CEP43: variants seen among roughly 807,000 people sequenced by gnomAD.
CEP43 encodes FGFR1 oncogene partner.
CEP43 carries 36 observed loss-of-function variants against 52.6 expected under a neutral mutation model. That is an observed-to-expected ratio of 0.68 (90% CI 0.52 to 0.90). The LOEUF is 0.90. Ranked by LOEUF, CEP43 falls within the 40% of genes least tolerant of loss-of-function variation. CEP43 has a pLI of 0.00. For synonymous variants in CEP43, 192 were observed against 172.4 expected, an observed-to-expected ratio of 1.11 and a Z score of -0.89; for missense variants, 506 against 472.8, an observed-to-expected ratio of 1.07 and a Z score of -0.65.
intron 6 of CEP43, among the ~76,000 whole-genome samples, chr6:167,012,984 C>T (rs561110250): frequency 6.6e-6 from 1 of 152,298 alleles, no homozygotes; most frequent in Non-Finnish European, 1.5e-5. Context: ...TGCAATTTCT[C>T]TAGTACTAAA....
intron 5 of CEP43, among the ~76,000 whole-genome samples, chr6:167,007,726 T>C (rs576613334): frequency 9.8e-5 from 15 of 152,356 alleles, no homozygotes; most frequent in Admixed American, 6.5e-4. Flanking sequence ...CTGATGCTTT[T>C]TACCAAAACT....
rs1161651220 is a variant in CEP43 at position 167,048,797 on chromosome 6, C to T, written c.*8819C>T. 1 of 152,114 alleles carries T rather than the reference C, an allele frequency of 6.6e-6. No homozygotes were observed. Among genetic ancestry groups the T allele is most frequent in the Non-Finnish European group, 1.5e-5 (1 of 68,024 alleles). 9.4% of individuals were successfully genotyped at this position (152,114 alleles called of 1,614,324 possible). On this transcript the variant is annotated 3_prime_UTR_variant, in exon 13 of 13. Transcript: ENST00000366847. ...TAATGAAAAATTGGTTAATGAATGT[C>T]ATTGAAAGAGCATGTACATCACTAA...
At position 167,048,336 on chromosome 6, in the gene CEP43, CT is replaced by C. The variant is rs151073754; in HGVS notation, c.*8359del. 2,777 of 152,348 alleles carry C rather than the reference CT, an allele frequency of 0.018. 46 individuals carry two copies. Among genetic ancestry groups the C allele is most frequent in the East Asian group, 0.088 (457 of 5,184 alleles). The allele number at this position is 152,348 out of a possible 1,614,324, so 9.4% of individuals were successfully genotyped here. On this transcript the variant is annotated 3_prime_UTR_variant, in exon 13 of 13. Transcript: ENST00000366847. The stretch of plus-strand genomic sequence containing the variant: ...TTGAGCTCAGGAGTTTGAGACCATT[CT>C]GGGCAATACGGTGAAACCCTGTCTC...
In CEP43 at chr6:167,047,822, T is replaced by A. The variant is rs952108269; in HGVS notation, c.*7844T>A. 5.9e-5 allele frequency: 9 copies of A among 152,108 alleles called. No homozygotes were observed. The highest frequency in any genetic ancestry group is 2.2e-4 in the African/African-American group (9 of 41,416). 9.4% of individuals were successfully genotyped at this position (152,108 alleles called of 1,614,324 possible). ...CACAGAATCAGAAACCATGGATTTC[T>A]GGTCTTGACTCCACTACCACTCAGA... On this transcript the variant is annotated 3_prime_UTR_variant, in exon 13 of 13. Transcript: ENST00000366847.
intron 12 of CEP43, among the ~76,000 whole-genome samples, chr6:167,035,735 T>C (rs1780570767): frequency 6.6e-6 from 1 of 151,980 alleles, no homozygotes. Context: ...CCCAGCTGAT[T>C]TTTTGTATTT....
At chr6:167,011,365 G>T (rs1232771834) in intron 6 of CEP43, among the ~76,000 whole-genome samples, 1 of 152,104 alleles carries the variant, frequency 6.6e-6, no homozygotes, top group South Asian at 2.1e-4. Context: ...CTAAGAAAAT[G>T]TATGTACTTT....
At chr6:167,031,721 C>T (rs1351986606) in intron 10 of CEP43, among the ~76,000 whole-genome samples, 1 of 152,146 alleles carries the variant, frequency 6.6e-6, no homozygotes, top group Admixed American at 6.5e-5. Flanking sequence ...CTTTCATAGG[C>T]CATCCATTCA....
chr6:167,016,731 G>C (rs2128661936), intron 7 of CEP43, among the ~76,000 whole-genome samples: 1 of 152,262 alleles, frequency 6.6e-6, no homozygotes, highest in South Asian at 2.1e-4. Context: ...TGGATACATG[G>C]ATGCATGAAT....
At position 167,041,152 on chromosome 6, in the gene CEP43, T is replaced by C; in HGVS notation, c.*1174T>C. 2.9e-6 allele frequency: 3 copies of C among 1,044,770 alleles called. No homozygotes were observed. Among genetic ancestry groups the C allele is most frequent in the Non-Finnish European group, 3.5e-6 (3 of 866,438 alleles). 64.7% of individuals were successfully genotyped at this position (1,044,770 alleles called of 1,614,324 possible). On this transcript the variant is annotated 3_prime_UTR_variant, in exon 13 of 13. Coordinates refer to ENST00000366847, the MANE Select transcript of CEP43 (RefSeq NM_007045.4). ...AACTTTATTAGTAAAAGGAGCAAATTAGACCTAATTCATTGATCTCGGTTA... is the reference window on the plus strand; with the variant it reads ...AACTTTATTAGTAAAAGGAGCAAATCAGACCTAATTCATTGATCTCGGTTA...
rs1282963816 is a variant in CEP43, at chr6:167,004,253, T to A, written c.301-11T>A. On this transcript the variant is annotated splice_polypyrimidine_tract_variant and intron_variant, in intron 4 of 12. Coordinates refer to ENST00000366847, the MANE Select transcript of CEP43 (RefSeq NM_007045.4). ...TTTTTTTGTGCACTTGTATTTTAAC[T>A]TCTTTTCTAGCTGCAAGGTCTCGAA... 5 of 1,589,636 alleles carry A rather than the reference T, an allele frequency of 3.1e-6. No individual in the cohort carries two copies. The South Asian group carries it at 5.8e-5, about 18-fold the overall frequency.
At chr6:167,021,951 A>G (rs1232784954) in intron 7 of CEP43, among the ~76,000 whole-genome samples, 1 of 152,184 alleles carries the variant, frequency 6.6e-6, no homozygotes, top group African/African-American at 2.4e-5. Context: ...ATATGAAATA[A>G]TCTTTCTTTT....
At chr6:167,031,892 C>G (rs1183708857) in intron 10 of CEP43, among the ~76,000 whole-genome samples, 1 of 152,048 alleles carries the variant, frequency 6.6e-6, no homozygotes, top group Non-Finnish European at 1.5e-5. Context: ...CTGTCAGAGG[C>G]TTGTGGTGCA....
At chr6:167,001,955 A>G (rs760776088) in intron 2 of CEP43, among the ~76,000 whole-genome samples, 2 of 152,132 alleles carry the variant, frequency 1.3e-5, no homozygotes, top group Non-Finnish European at 2.9e-5. Context: ...TTGACTCCCT[A>G]TCTTAGAATT....
At chr6:167,004,103 A>T in intron 4 of CEP43, 161 bp from the exon 5 acceptor site, 1 of 767,360 alleles carries the variant, frequency 1.3e-6, no homozygotes, top group Admixed American at 3.3e-5. Flanking sequence ...GAGGCTCTGT[A>T]AAAGAAATAG....
intron 2 of CEP43, among the ~76,000 whole-genome samples, chr6:167,001,730 G>T (rs979781870): frequency 6.6e-6 from 1 of 152,170 alleles, no homozygotes; most frequent in African/African-American, 2.4e-5. Flanking sequence ...GTGTCTGTCA[G>T]GTGTGTATCT....
chr6:167,028,571 T>C (rs989163279), intron 10 of CEP43: 5 of 855,100 alleles, frequency 5.8e-6, no homozygotes, highest in East Asian at 1.2e-4. Flanking sequence ...TTGAGTAATA[T>C]GTAGACAGAT....
At chr6:167,031,045 A>T (rs1230037275) in intron 10 of CEP43, among the ~76,000 whole-genome samples, 1 of 151,648 alleles carries the variant, frequency 6.6e-6, no homozygotes, top group Non-Finnish European at 1.5e-5. Context: ...TGGTTTTTAC[A>T]TTTTTTTTGA....
At position 167,024,825 on chromosome 6, in the gene CEP43, TC is replaced by T. The variant is rs1197183591; in HGVS notation, c.851del (p.Ser284TrpfsTer6). On this transcript the variant is annotated frameshift_variant, in exon 9 of 13. Coordinates refer to ENST00000366847, the MANE Select transcript of CEP43 (RefSeq NM_007045.4). LOFTEE classifies it high-confidence loss of function. ...GCAAGCAGGAAGTCTGGCCTCGCTC[TC>T]GGATGCACCCCCCTTAAAAAGTGGA... ...RKQAGSLASL[S>X]DAPPLKSGLS... 7.4e-6 allele frequency: 12 copies of T among 1,614,050 alleles called. No homozygotes were observed. Among genetic ancestry groups the T allele is most frequent in the Non-Finnish European group, 9.3e-6 (11 of 1,179,938 alleles).
At chr6:167,037,958 T>G (rs1020159638) in intron 12 of CEP43, among the ~76,000 whole-genome samples, 1 of 152,168 alleles carries the variant, frequency 6.6e-6, no homozygotes, top group Non-Finnish European at 1.5e-5. Flanking sequence ...GCCACAACAA[T>G]GAGTCTAGGT....
Sources: gnomAD v4.1 joint callset for allele counts (sites outside exome capture counted in the v4.1 genomes callset) on GRCh38, gnomAD v4.1.1 for gene constraint, MANE v1.5 for transcripts, NCBI Gene and HGNC (gene_info 2026-07-23, HGNC 2026-07-21) for gene names.